Variants in DNAH9 observed in about 807,000 individuals in gnomAD.
The protein encoded by DNAH9 is DNAH9 variant protein.
Under a neutral mutation model 471.6 loss-of-function variants are expected in DNAH9, and 345 were observed. The ratio of observed to expected loss-of-function variants is 0.73; its 90% CI spans 0.67 to 0.80. The LOEUF (loss-of-function observed/expected upper bound fraction) is 0.80, where lower values mean the gene tolerates loss of function less well. Among genes scored for constraint, DNAH9 ranks in the 30% least tolerant of loss-of-function variants. DNAH9 has a pLI of 0.00. For missense variants in DNAH9, 5,407 were observed against 5,609.2 expected (o/e 0.96, Z 1.15); for synonymous variants, 2,093 against 2,123.6 (o/e 0.99, Z 0.40).
At position 11,969,442 on chromosome 17, in the gene DNAH9, C is replaced by T. The variant is rs763546646; in HGVS notation, c.13376C>T (p.Thr4459Ile). 1 of 1,613,892 alleles carries T rather than the reference C, an allele frequency of 6.2e-7. No individual in the cohort carries two copies. Among genetic ancestry groups the T allele is most frequent in the Non-Finnish European group, 8.5e-7 (1 of 1,179,988 alleles). ...PVYKTSQRGP[T>I]YVWTFNLKTK... is the part of the protein sequence containing the mutation. Reference sequence around the variant, plus strand: ...TACAAGACTAGTCAGCGGGGACCCACCTACGTGTGGACTTTCAACCTGAAG... The same window carrying T: ...TACAAGACTAGTCAGCGGGGACCCATCTACGTGTGGACTTTCAACCTGAAG... Residue 4459 changes from threonine (T) to isoleucine (I), a missense_variant, in exon 69 of 69, where the codon ACC becomes ATC. This residue lies in a region of DNAH9 where 4,636 missense variants were observed against 4,900.3 expected (regional missense o/e 0.95). Coordinates refer to ENST00000262442, the MANE Select transcript of DNAH9 (RefSeq NM_001372.4).
intron 28 of DNAH9, among the ~76,000 whole-genome samples, chr17:11,733,085 T>A (rs762019053): frequency 1.6e-4 from 25 of 152,270 alleles, no homozygotes; most frequent in Admixed American, 4.6e-4. Flanking sequence ...GGTGAGTGGG[T>A]TGCATTTCCC....
At position 11,797,702 on chromosome 17, in the gene DNAH9, T is replaced by G; in HGVS notation, c.8329T>G (p.Leu2777Val). The change falls in exon 43 of 69, where the codon TTG becomes GTG. Residue 2777 changes from leucine to valine, a missense_variant. Physicochemically the swap from Leu to Val is conservative, Grantham distance 32. Coordinates refer to ENST00000262442, the MANE Select transcript of DNAH9 (RefSeq NM_001372.4). ...CATGCCTGTACAGTCTTGGGAACTT[T>G]TGACCCAGACTCTGGTGGAGGCCTT... ...KYMPVQSWEL[L>V]TQTLVEALEN... 1 of 1,614,208 alleles carries G rather than the reference T, an allele frequency of 6.2e-7. No individual in the cohort carries two copies. Among genetic ancestry groups the G allele is most frequent in the South Asian group, 1.1e-5 (1 of 91,084 alleles).
chr17:11,767,692 G>C (rs1416507499), intron 36 of DNAH9, among the ~76,000 whole-genome samples: 1 of 136,950 alleles, frequency 7.3e-6, no homozygotes, highest in African/African-American at 3.5e-5. Context: ...GGTATGTTTT[G>C]GGTCTGAGTG....
At chr17:11,759,774 C>G (rs1967587572) in intron 35 of DNAH9, among the ~76,000 whole-genome samples, 1 of 151,618 alleles carries the variant, frequency 6.6e-6, no homozygotes, top group Non-Finnish European at 1.5e-5. Context: ...GCAACCTCTG[C>G]CTCCTGGGTT....
intron 15 of DNAH9, 113 bp from the exon 16 acceptor site, chr17:11,668,951 G>A: frequency 1.3e-6 from 1 of 752,436 alleles, no homozygotes; most frequent in Non-Finnish European, 2.2e-6. Flanking sequence ...TTTCCCTACA[G>A]TCTAGCAGCC....
chr17:11,803,042 C>T (rs903922334), intron 43 of DNAH9, among the ~76,000 whole-genome samples: 6 of 152,174 alleles, frequency 3.9e-5, no homozygotes, highest in Non-Finnish European at 7.4e-5. Flanking sequence ...ATGCCTGCAT[C>T]GTAGGGTTGT....
chr17:11,678,744 T>C (rs533570293), intron 17 of DNAH9, among the ~76,000 whole-genome samples: 12 of 152,272 alleles, frequency 7.9e-5, no homozygotes, highest in South Asian at 4.1e-4. Flanking sequence ...TGCTTGGGAT[T>C]TGTTGGGCTT....
intron 20 of DNAH9, among the ~76,000 whole-genome samples, chr17:11,691,576 CTA>C (rs1366950224): frequency 6.6e-6 from 1 of 152,186 alleles, no homozygotes; most frequent in Non-Finnish European, 1.5e-5. Flanking sequence ...TAACTGGTAA[CTA>C]TATTCATTCA....
At position 11,658,917 on chromosome 17, in the gene DNAH9, A is replaced by G. The variant is rs549604865; in HGVS notation, c.2595+5915A>G. On this transcript the variant is annotated intron_variant, in intron 14 of 68. Coordinates refer to ENST00000262442, the MANE Select transcript of DNAH9 (RefSeq NM_001372.4). ...TCTGATAATTTTAAAAGATTTTTGT[A>G]CGTGTGTTTAAGAATGACATTTATC... is the stretch of plus-strand genomic sequence containing the variant. Among the ~76,000 whole-genome samples the G allele has an allele frequency of 3.3e-5, 5 of 152,116 alleles. No individual in the cohort carries two copies. The South Asian group carries it at 8.3e-4, about 25-fold the overall frequency.
intron 61 of DNAH9, among the ~76,000 whole-genome samples, chr17:11,913,789 A>G (rs1281687568): frequency 2.6e-5 from 4 of 152,006 alleles, no homozygotes; most frequent in African/African-American, 4.8e-5. Flanking sequence ...CTCAAAAAAA[A>G]AAAAAGAAAA....
At chr17:11,689,244 A>G (rs749816379) in intron 19 of DNAH9, among the ~76,000 whole-genome samples, 1 of 152,154 alleles carries the variant, frequency 6.6e-6, no homozygotes, top group Non-Finnish European at 1.5e-5. Flanking sequence ...TGAAGGGCAG[A>G]GTCTAAAGGG....
At chr17:11,611,332 C>G (rs1030370935) in intron 3 of DNAH9, among the ~76,000 whole-genome samples, 3 of 152,226 alleles carry the variant, frequency 2.0e-5, no homozygotes, top group African/African-American at 7.2e-5. Flanking sequence ...TCTTAGCACC[C>G]TTGCTCCAAT....
At chr17:11,842,569 C>A (rs968559660) in intron 49 of DNAH9, among the ~76,000 whole-genome samples, 1 of 152,188 alleles carries the variant, frequency 6.6e-6, no homozygotes, top group Non-Finnish European at 1.5e-5. Flanking sequence ...GACAGTGCAG[C>A]CTTCAGTCTG....
At position 11,669,444 on chromosome 17, in the gene DNAH9, C is replaced by A. The variant is rs61745408; in HGVS notation, c.3003C>A (p.Gly1001=). 7.5e-4 allele frequency: 1,211 copies of A among 1,614,026 alleles called. 11 individuals are homozygous for A. In the African/African-American group the frequency reaches 0.014, roughly 19 times the overall value. Residue 1001 remains glycine, a synonymous_variant, in exon 17 of 69, where the codon GGC becomes GGA. Transcript: ENST00000262442. Reference sequence around the variant, plus strand: ...TGGAGAGAGTCCAGAGAATGATGGGCCTCTGCTGTGGCTATCAGAGCACCT... The same window carrying A: ...TGGAGAGAGTCCAGAGAATGATGGGACTCTGCTGTGGCTATCAGAGCACCT... The part of the protein sequence containing the change: ...TLMERVQRMM[G]LCCGYQSTFS...
At chr17:11,616,554 A>G (rs1254874326) in intron 4 of DNAH9, among the ~76,000 whole-genome samples, 1 of 152,226 alleles carries the variant, frequency 6.6e-6, no homozygotes, top group African/African-American at 2.4e-5. Flanking sequence ...AGTCACCACA[A>G]GACGACTGGT....
At chr17:11,701,814 G>A (rs1273275923) in intron 24 of DNAH9, among the ~76,000 whole-genome samples, 1 of 152,154 alleles carries the variant, frequency 6.6e-6, no homozygotes, top group Non-Finnish European at 1.5e-5. Context: ...AGGTAGCTGT[G>A]ACTACAGGCA....
In DNAH9 at chr17:11,748,659, C is replaced by G. The variant is rs578017274; in HGVS notation, c.6610+893C>G. Among the ~76,000 whole-genome samples, 16 of 152,252 alleles carry G rather than the reference C, an allele frequency of 1.1e-4. 1 individual carries two copies. Among genetic ancestry groups the G allele is most frequent in the African/African-American group, 3.6e-4 (15 of 41,532 alleles). On this transcript the variant is annotated intron_variant, in intron 32 of 68. Coordinates refer to ENST00000262442, the MANE Select transcript of DNAH9 (RefSeq NM_001372.4). Reference sequence around the variant, plus strand: ...CTACAGTGATTCAGAGGCCCCCAACCCTGGGTGCTGATCTCAGCCTTACCT... The same window carrying G: ...CTACAGTGATTCAGAGGCCCCCAACGCTGGGTGCTGATCTCAGCCTTACCT...
chr17:11,854,377 G>A lies in DNAH9; in HGVS notation c.9882G>A (p.Ala3294=), dbSNP rs763193124. 68 of 1,613,890 alleles carry A rather than the reference G, an allele frequency of 4.2e-5. No individual in the cohort carries two copies. Among genetic ancestry groups the A allele is most frequent in the African/African-American group, 5.3e-5 (4 of 74,864 alleles). Reference sequence around the variant, plus strand: ...GCCAGGCACTGAACAAAGCCACCGCGGACCTCACAGCTGCCCAGGAGAAGC... The same window carrying A: ...GCCAGGCACTGAACAAAGCCACCGCAGACCTCACAGCTGCCCAGGAGAAGC... ...PKRQALNKAT[A]DLTAAQEKLA... The change falls in exon 50 of 69, where the codon GCG becomes GCA. Residue 3294 remains alanine, a synonymous_variant. Transcript: ENST00000262442.
chr17:11,766,560 C>T lies in DNAH9; in HGVS notation c.7171-1893C>T, dbSNP rs933069107. Among the ~76,000 whole-genome samples the T allele has an allele frequency of 2.6e-5, 4 of 152,190 alleles. No individual in the cohort carries two copies. The East Asian group carries it at 7.7e-4, about 29-fold the overall frequency. On this transcript the variant is annotated intron_variant, in intron 36 of 68. Transcript: ENST00000262442. ...TACCACAGTATGCCAGTAAAGTCCTCATGTCCTCCAGGTTAAAGGGCAGAG... is the reference window on the plus strand; with the variant it reads ...TACCACAGTATGCCAGTAAAGTCCTTATGTCCTCCAGGTTAAAGGGCAGAG...
Sources: gnomAD v4.1 joint callset for allele counts (sites outside exome capture counted in the v4.1 genomes callset) on GRCh38, gnomAD v4.1.1 for gene constraint, gnomAD v4.1.1 regional missense constraint, MANE v1.5 for transcripts, NCBI Gene and HGNC (gene_info 2026-07-23, HGNC 2026-07-21) for gene names.